The following PLXND1 variants were observed in gnomAD, a reference collection of about 807,000 sequenced individuals.
PLXND1 encodes plexin-D1.
Under a neutral mutation model 197.7 loss-of-function variants are expected in PLXND1, and 54 were observed. The ratio of observed to expected loss-of-function variants is 0.27; its 90% CI spans 0.22 to 0.34. The LOEUF is 0.34. PLXND1 is among the 10% of genes least tolerant of loss of function. PLXND1 has a pLI of 1.00. For synonymous variants in PLXND1, 1,180 were observed against 1,161.2 expected, an observed-to-expected ratio of 1.02 and a Z score of -0.33; for missense variants, 2,127 against 2,699.2, an observed-to-expected ratio of 0.79 and a Z score of 4.70.
Position 129,606,281 on chromosome 3 carries a change from A to G in PLXND1, c.359T>C (p.Leu120Pro). The change falls in exon 1 of 36, where the codon CTC (leucine) becomes CCC (proline). Residue 120 changes from leucine to proline, a missense_variant. By Grantham distance (98) the Leu-to-Pro change is moderately conservative. This residue lies in a region of PLXND1 where 245 missense variants were observed against 267.1 expected (regional missense o/e 0.92). Transcript: ENST00000324093. ...CAGGATCTTGTTGTAGTTGTCCGTG[A>G]GGCGCCGCGGGTGCTCGCACGAGGC... ...PQASCEHPRR[L>P]TDNYNKILQL... 1 of 1,534,528 alleles carries G rather than the reference A, an allele frequency of 6.5e-7. No individual in the cohort carries two copies. Among genetic ancestry groups the G allele is most frequent in the Non-Finnish European group, 8.7e-7 (1 of 1,146,246 alleles).
chr3:129,587,991 G>T (rs1041643068), intron 2 of PLXND1, among the ~76,000 whole-genome samples: 2 of 152,186 alleles, frequency 1.3e-5, no homozygotes, highest in East Asian at 3.8e-4. Context: ...ATGTCCAGGC[G>T]TCCAGTGGAC....
chr3:129,605,440 G>T lies in PLXND1; in HGVS notation c.1200C>A (p.Ile400=), dbSNP rs775479221. The T allele has an allele frequency of 2.6e-5, 39 of 1,503,218 alleles. No homozygotes were observed. The African/African-American group carries it at 5.7e-4, about 22-fold the overall frequency. 93.1% of individuals were successfully genotyped at this position (1,503,218 alleles called of 1,614,324 possible). ...AFRFADVRAA[I]RAARTACFVE... Reference sequence around the variant, plus strand: ...CGAAGCAGGCGGTGCGCGCAGCTCGGATGGCGGCTCGCACGTCGGCGAAGC... The same window carrying T: ...CGAAGCAGGCGGTGCGCGCAGCTCGTATGGCGGCTCGCACGTCGGCGAAGC... The change falls in exon 1 of 36, where the codon ATC becomes ATA. Residue 400 remains isoleucine, a synonymous_variant. Coordinates refer to ENST00000324093, the MANE Select transcript of PLXND1 (RefSeq NM_015103.3).
At chr3:129,582,983 G>GC (rs753300479) in intron 8 of PLXND1, among the ~76,000 whole-genome samples, 2 of 152,308 alleles carry the variant, frequency 1.3e-5, no homozygotes, top group Middle Eastern at 3.4e-3. Context: ...GACAGCTGCA[G>GC]CACCACCCAC....
Position 129,565,873 on chromosome 3 carries a change from T to C in PLXND1, c.4322+14A>G, listed in dbSNP as rs1560062407. 4 of 1,613,248 alleles carry C rather than the reference T, an allele frequency of 2.5e-6. No individual in the cohort carries two copies. The highest frequency in any genetic ancestry group is 2.2e-5 in the South Asian group (2 of 91,040). On this transcript the variant is annotated intron_variant, in intron 24 of 35. Coordinates refer to ENST00000324093, the MANE Select transcript of PLXND1 (RefSeq NM_015103.3). ...TCCTCTTCCCTACCCCACCCCAGTC[T>C]GTCACAGCCTGACCTGTCGCGCACC...
intron 1 of PLXND1, among the ~76,000 whole-genome samples, chr3:129,593,128 CACAAAGCTGG>C (rs1184545065): frequency 6.6e-6 from 1 of 152,170 alleles, no homozygotes; most frequent in Admixed American, 6.5e-5. Context: ...CTTTCTCTCA[CACAAAGCTGG>C]TCAGACCCTC....
intron 1 of PLXND1, among the ~76,000 whole-genome samples, chr3:129,597,085 A>G (rs150110407): frequency 2.0e-4 from 30 of 152,226 alleles, no homozygotes; most frequent in Middle Eastern, 3.4e-3. Context: ...ATCTCATTCA[A>G]CCCTCACCAC....
At chr3:129,562,310 C>T (rs531579857) in intron 27 of PLXND1, among the ~76,000 whole-genome samples, 33 of 152,284 alleles carry the variant, frequency 2.2e-4, no homozygotes, top group African/African-American at 7.7e-4. Flanking sequence ...CCCAGGAGTT[C>T]AAGACCAGCC....
At chr3:129,556,809 C>A in intron 34 of PLXND1, 118 bp from the exon 35 acceptor site, 1 of 784,766 alleles carries the variant, frequency 1.3e-6, no homozygotes, top group South Asian at 1.6e-5. Context: ...CAGAACAGTT[C>A]AGCGATGAGG....
At chr3:129,589,330 C>CCCCA in intron 2 of PLXND1, 21 bp downstream of exon 2, 10 of 1,412,988 alleles carry the variant, frequency 7.1e-6, no homozygotes, top group East Asian at 2.6e-5. Flanking sequence ...ACCCCCTCCC[C>CCCCA]ACATCCCCAA....
At position 129,555,524 on chromosome 3, in the gene PLXND1, C is replaced by G. The variant is rs575924570; in HGVS notation, c.*788G>C. ...AGCTATTCACAGTTGGTGCATGATACGTTTTTTAATATATAAAAGCTTTAA... is the reference window on the plus strand; with the variant it reads ...AGCTATTCACAGTTGGTGCATGATAGGTTTTTTAATATATAAAAGCTTTAA... On this transcript the variant is annotated 3_prime_UTR_variant, in exon 36 of 36. Transcript: ENST00000324093. The G allele has an allele frequency of 8.4e-5, 56 of 668,666 alleles. No homozygotes were observed. In the African/African-American group the frequency reaches 9.2e-4, roughly 11 times the overall value. The allele number at this position is 668,666 out of a possible 1,614,324, so 41.4% of individuals were successfully genotyped here.
At chr3:129,560,661 T>A in intron 30 of PLXND1, 28 bp downstream of exon 30, 1 of 1,568,874 alleles carries the variant, frequency 6.4e-7, no homozygotes, top group Non-Finnish European at 8.8e-7. Flanking sequence ...AGGGGCTGGA[T>A]CCCCCGGGGC....
chr3:129,580,368 C>T (rs1166669719), intron 8 of PLXND1, among the ~76,000 whole-genome samples: 8 of 152,188 alleles, frequency 5.3e-5, no homozygotes, highest in Admixed American at 5.2e-4. Flanking sequence ...AGCGGCGGGC[C>T]CCCTGCAGAC....
Position 129,558,497 on chromosome 3 carries a change from G to A in PLXND1, c.5376C>T (p.Asp1792=), listed in dbSNP as rs1392203862. Residue 1792 remains aspartate, a synonymous_variant, in exon 33 of 36, where the codon GAC becomes GAT. Transcript: ENST00000324093. This position sits in a 1 kb window ranked among gnomAD's most constrained non-coding sequence, Gnocchi z 4.1. ...CCTGCGCGATGACTGAAAGGCAGGC[G>A]TCGATGTGGTCTGTCTTGTCGATGT... ...VFDIDKTDHI[D]ACLSVIAQAF... 10 of 1,613,968 alleles carry A rather than the reference G, an allele frequency of 6.2e-6. No individual in the cohort carries two copies. Among genetic ancestry groups the A allele is most frequent in the East Asian group, 2.2e-5 (1 of 44,876 alleles).
intron 8 of PLXND1, among the ~76,000 whole-genome samples, chr3:129,580,234 G>A (rs939320356): frequency 9.0e-5 from 13 of 144,140 alleles, no homozygotes; most frequent in Non-Finnish European, 2.0e-4. Context: ...CAGACCTCAG[G>A]GGCTTGGCAA....
At chr3:129,590,494 CAT>C (rs999434002) in intron 1 of PLXND1, among the ~76,000 whole-genome samples, 4 of 152,274 alleles carry the variant, frequency 2.6e-5, no homozygotes, top group East Asian at 3.9e-4. Context: ...GGGACACACA[CAT>C]GTGTCGGATG....
intron 22 of PLXND1, 77 bp from the exon 23 acceptor site, chr3:129,566,708 G>T: frequency 1.2e-6 from 1 of 867,808 alleles, no homozygotes. Flanking sequence ...CACACAGAAA[G>T]GGGCACTGGC....
Position 129,558,405 on chromosome 3 carries a change from G to A in PLXND1, c.5445+23C>T. On this transcript the variant is annotated intron_variant, in intron 33 of 35. Transcript: ENST00000324093. This position sits in a 1 kb window ranked among gnomAD's most constrained non-coding sequence, Gnocchi z 4.1. ...CACTCTGGCCCTGTGCATGGGCCTG[G>A]CCTGGTCCTGGGAACAGCTGACCTT... 1 of 1,610,264 alleles carries A rather than the reference G, an allele frequency of 6.2e-7. No homozygotes were observed. The highest frequency in any genetic ancestry group is 8.5e-7 in the Non-Finnish European group (1 of 1,178,566).
At chr3:129,574,937 C>G (rs1363875899) in intron 11 of PLXND1, among the ~76,000 whole-genome samples, 2 of 152,162 alleles carry the variant, frequency 1.3e-5, no homozygotes, top group African/African-American at 4.8e-5. Context: ...TTTGGGGCTT[C>G]AAACCCTCCA....
rs1400218365 is a variant in PLXND1 at position 129,569,710 on chromosome 3, G to C, written c.3865+133C>G. On this transcript the variant is annotated intron_variant, in intron 20 of 35. Transcript: ENST00000324093. Reference sequence around the variant, plus strand: ...CCCCCAACCTCTGGGTGCCTAACCTGTTCCCATGGCCAAGCCTTTGTTCAA... The same window carrying C: ...CCCCCAACCTCTGGGTGCCTAACCTCTTCCCATGGCCAAGCCTTTGTTCAA... The C allele has an allele frequency of 6.2e-6, 4 of 644,982 alleles. No individual in the cohort carries two copies. The East Asian group carries it at 1.1e-4, about 18-fold the overall frequency. 40.0% of individuals were successfully genotyped at this position (644,982 alleles called of 1,614,324 possible).
Sources: allele counts gnomAD v4.1 joint callset (sites outside exome capture counted in the v4.1 genomes callset), GRCh38; gene constraint gnomAD v4.1.1; regional missense constraint gnomAD v4.1.1; non-coding constraint Gnocchi (gnomAD v3.1); transcripts MANE v1.5; gene names NCBI Gene and HGNC (gene_info 2026-07-23, HGNC 2026-07-21).